The following AKAP13 variants were observed in gnomAD, a reference collection of about 807,000 sequenced individuals.
AKAP13 encodes A-kinase anchor protein 13.
A neutral mutation model predicts 264.5 loss-of-function variants in AKAP13; 80 were observed. That is an observed-to-expected ratio of 0.30 (90% CI 0.25 to 0.36). AKAP13 has a LOEUF of 0.36. Ranked by LOEUF, AKAP13 falls within the 10% of genes least tolerant of loss-of-function variation. The pLI is 1.00. For missense variants in AKAP13, 3,712 were observed against 3,435.2 expected (o/e 1.08, Z -2.01); for synonymous variants, 1,380 against 1,250.2 (o/e 1.10, Z -2.19).
At chr15:85,548,113 T>C (rs1171106758) in intron 5 of AKAP13, among the ~76,000 whole-genome samples, 1 of 152,184 alleles carries the variant, frequency 6.6e-6, no homozygotes, top group East Asian at 1.9e-4. Flanking sequence ...AGTAGAAATC[T>C]TGGGACTTGG....
chr15:85,720,254 C>G (rs1180795460), intron 23 of AKAP13, among the ~76,000 whole-genome samples: 1 of 78,414 alleles, frequency 1.3e-5, no homozygotes, highest in Non-Finnish European at 2.4e-5. Flanking sequence ...CATTTAAAAA[C>G]AAACTCTGTG....
chr15:85,602,498 T>A (rs1305125553), intron 8 of AKAP13, among the ~76,000 whole-genome samples: 1 of 148,276 alleles, frequency 6.7e-6, no homozygotes, highest in African/African-American at 2.5e-5. Context: ...TATATATATA[T>A]TTTTTTGAAA....
rs1426234742 is a variant in AKAP13, at chr15:85,581,168, G to A, written c.3100G>A (p.Gly1034Arg). 1 of 1,614,164 alleles carries A rather than the reference G, an allele frequency of 6.2e-7. No individual in the cohort carries two copies. Among genetic ancestry groups the A allele is most frequent in the Non-Finnish European group, 8.5e-7 (1 of 1,180,018 alleles). ...LATESRQEAL[G>R]AEHNSSALLP... ...CACAGAGTCAAGGCAGGAAGCCTTG[G>A]GGGCAGAGCACAACAGCTCCGCTCT... is the stretch of plus-strand genomic sequence containing the variant. Residue 1034 changes from glycine to arginine, a missense_variant, in exon 7 of 37, where the codon GGG (glycine) becomes AGG (arginine). By Grantham distance (125) the Gly-to-Arg change is moderately radical. This residue lies in a region of AKAP13 where 2,759 missense variants were observed against 2,411.7 expected (regional missense o/e 1.14). Transcript: ENST00000394518.
intron 8 of AKAP13, among the ~76,000 whole-genome samples, chr15:85,601,330 C>G (rs1344326941): frequency 6.6e-6 from 1 of 152,106 alleles, no homozygotes; most frequent in Non-Finnish European, 1.5e-5. Flanking sequence ...TTTATTTGCC[C>G]TTCAGAAAAC....
At chr15:85,645,992 C>T (rs138506038) in intron 10 of AKAP13, 38 bp downstream of exon 10, 24,147 of 1,596,864 alleles carry the variant, frequency 0.015, 215 homozygotes, top group Non-Finnish European at 0.018. Context: ...TGTCACACGG[C>T]TTTTGTGTTC....
chr15:85,489,387 A>C (rs1180574508), intron 2 of AKAP13, among the ~76,000 whole-genome samples: 1 of 152,214 alleles, frequency 6.6e-6, no homozygotes, highest in Non-Finnish European at 1.5e-5. Context: ...AGTAATACTT[A>C]ATGGGGCAAT....
chr15:85,399,725 C>T lies in AKAP13; in HGVS notation c.-12+18927C>T, dbSNP rs1472259705. Among the ~76,000 whole-genome samples the T allele has an allele frequency of 2.6e-5, 4 of 151,946 alleles. No homozygotes were observed. In the East Asian group the frequency reaches 5.8e-4, roughly 22 times the overall value. On this transcript the variant is annotated intron_variant, in intron 1 of 36. Transcript: ENST00000394518. ...AATCTGAGTTCTCAATATTAAAAGA[C>T]AGATGGAGGAAACTTTCAAATAAAG...
Position 85,710,609 on chromosome 15 carries a change from ACAT to A in AKAP13, c.5569_5571del (p.Ser1857del). 2 of 1,613,986 alleles carry A rather than the reference ACAT, an allele frequency of 1.2e-6. No individual in the cohort carries two copies. The highest frequency in any genetic ancestry group is 1.3e-5 in the African/African-American group (1 of 75,046). Reference sequence around the variant, plus strand: ...CAAAGGGAGCCTTCAGGCACATGACACATCATCACTGCCCACGGTCATTATGAG... The same window carrying A: ...CAAAGGGAGCCTTCAGGCACATGACACATCACTGCCCACGGTCATTATGAG... On this transcript the variant is annotated inframe_deletion, in exon 19 of 37. Transcript: ENST00000394518.
At chr15:85,501,280 T>C (rs533549525) in intron 2 of AKAP13, among the ~76,000 whole-genome samples, 2 of 152,312 alleles carry the variant, frequency 1.3e-5, no homozygotes, top group South Asian at 4.1e-4. Flanking sequence ...CCTCCACAAA[T>C]CCTCATTTTC....
chr15:85,635,030 A>G, intron 8 of AKAP13: 1 of 398,108 alleles, frequency 2.5e-6, no homozygotes, highest in East Asian at 3.6e-5. Flanking sequence ...AGCGCTTTAA[A>G]AATTCCAGTG....
Position 85,724,070 on chromosome 15 carries a change from C to T in AKAP13, c.6745+750C>T, listed in dbSNP as rs2087460411. On this transcript the variant is annotated intron_variant, in intron 26 of 36. Transcript: ENST00000394518. This position sits in a 1 kb window ranked among gnomAD's most constrained non-coding sequence, Gnocchi z 4.2. ...GCCTTGAATTATACCCACCCCGTCG[C>T]CCTGGCCTCAGTGAGCTGAGGACAT... Among the ~76,000 whole-genome samples, 1 of 152,134 alleles carries T rather than the reference C, an allele frequency of 6.6e-6. No individual in the cohort carries two copies. The highest frequency in any genetic ancestry group is 1.5e-5 in the Non-Finnish European group (1 of 68,030).
chr15:85,556,281 T>C (rs1418426616), intron 5 of AKAP13, among the ~76,000 whole-genome samples: 1 of 152,250 alleles, frequency 6.6e-6, no homozygotes, highest in Non-Finnish European at 1.5e-5. Context: ...GTACATAATT[T>C]TATGTGCTAT....
chr15:85,693,060 C>G lies in AKAP13; in HGVS notation c.5290-217C>G, dbSNP rs75331605. 5.0e-3 allele frequency: 3,481 copies of G among 695,378 alleles called. 14 individuals carry two copies. The highest frequency in any genetic ancestry group is 6.5e-3 in the Non-Finnish European group (3,032 of 467,214). The allele number at this position is 695,378 out of a possible 1,614,324, so 43.1% of individuals were successfully genotyped here. ...GAATAAGCCACTGCCAGAACTGTTC[C>G]GCCTGCCCAGTTTTCGTGTGAATTT... On this transcript the variant is annotated intron_variant, in intron 16 of 36. Coordinates refer to ENST00000394518, the MANE Select transcript of AKAP13 (RefSeq NM_007200.5).
At position 85,631,500 on chromosome 15, in the gene AKAP13, T is replaced by TCACACACACA. The variant is rs1189326372; in HGVS notation, c.4162-7873_4162-7872insACACACACAC. Among the ~76,000 whole-genome samples the TCACACACACA allele has an allele frequency of 3.6e-3, 289 of 80,090 alleles. 2 individuals carry two copies. Among genetic ancestry groups the TCACACACACA allele is most frequent in the African/African-American group, 0.011 (264 of 23,318 alleles). 52.5% of individuals were successfully genotyped at this position (80,090 alleles called of 152,430 possible). On this transcript the variant is annotated intron_variant, in intron 8 of 36. Coordinates refer to ENST00000394518, the MANE Select transcript of AKAP13 (RefSeq NM_007200.5). ...CACACACTTTCTCTCTCTCTCTCTC[T>TCACACACACA]CTCACACACACACACACACACACAC...
At chr15:85,446,919 T>C (rs1200199133) in intron 1 of AKAP13, among the ~76,000 whole-genome samples, 1 of 152,174 alleles carries the variant, frequency 6.6e-6, no homozygotes, top group Non-Finnish European at 1.5e-5. Context: ...TGGGTTAAAC[T>C]TAAAAAAGTG....
intron 19 of AKAP13, among the ~76,000 whole-genome samples, chr15:85,711,219 T>C (rs2086619726): frequency 6.6e-6 from 1 of 151,876 alleles, no homozygotes; most frequent in Non-Finnish European, 1.5e-5. Flanking sequence ...AGAAAATAGT[T>C]CTTTTTTTTT....
At chr15:85,463,264 A>T (rs1003070338) in intron 1 of AKAP13, among the ~76,000 whole-genome samples, 2 of 152,226 alleles carry the variant, frequency 1.3e-5, no homozygotes, top group Non-Finnish European at 2.9e-5. Context: ...GAAAGAAAAA[A>T]ATATTTGAAC....
chr15:85,471,800 G>T (rs1330254403), intron 1 of AKAP13, among the ~76,000 whole-genome samples: 1 of 152,122 alleles, frequency 6.6e-6, no homozygotes, highest in African/African-American at 2.4e-5. Flanking sequence ...ACTTATACTA[G>T]CTCTGTTTAT....
chr15:85,707,907 A>G, intron 17 of AKAP13, 112 bp from the exon 18 acceptor site: 2 of 993,536 alleles, frequency 2.0e-6, no homozygotes, highest in South Asian at 2.7e-5. Flanking sequence ...ACATTCTCAC[A>G]TGTGAGTGAC....
Sources: allele counts gnomAD v4.1 joint callset (sites outside exome capture counted in the v4.1 genomes callset), GRCh38; gene constraint gnomAD v4.1.1; regional missense constraint gnomAD v4.1.1; non-coding constraint Gnocchi (gnomAD v3.1); transcripts MANE v1.5; gene names NCBI Gene and HGNC (gene_info 2026-07-23, HGNC 2026-07-21).